EFCAB8: variants seen among roughly 807,000 people sequenced by gnomAD.
The protein encoded by EFCAB8 is EF-hand calcium binding domain 8.
Under a neutral mutation model 116.3 loss-of-function variants are expected in EFCAB8, and 100 were observed. That is an observed-to-expected ratio of 0.86 (90% confidence interval 0.73 to 1.02). The LOEUF (loss-of-function observed/expected upper bound fraction) is 1.02, where lower values mean the gene tolerates loss of function less well. EFCAB8 is among the 50% of genes least tolerant of loss of function. The pLI is 0.00. For missense variants in EFCAB8, 1,320 were observed against 1,416.9 expected, an observed-to-expected ratio of 0.93 and a Z score of 1.10; for synonymous variants, 558 against 567.9, an observed-to-expected ratio of 0.98 and a Z score of 0.25.
At chr20:32,959,257 G>A (rs1989067186) in intron 24 of EFCAB8, among the ~76,000 whole-genome samples, 1 of 152,338 alleles carries the variant, frequency 6.6e-6, no homozygotes, top group Admixed American at 6.5e-5. Flanking sequence ...ATTAGGAACA[G>A]GGATGGCTCA....
At chr20:32,916,754 A>G (rs1987208080) in intron 17 of EFCAB8, among the ~76,000 whole-genome samples, 1 of 152,144 alleles carries the variant, frequency 6.6e-6, no homozygotes, top group African/African-American at 2.4e-5. Context: ...TTCATTTATA[A>G]TTATAAAGTA....
At chr20:32,875,038 C>T (rs1277153096) in intron 3 of EFCAB8, among the ~76,000 whole-genome samples, 5 of 151,966 alleles carry the variant, frequency 3.3e-5, no homozygotes, top group African/African-American at 1.2e-4. Flanking sequence ...CGTGAGCCAC[C>T]GTGCCTGGCC....
At position 32,961,121 on chromosome 20, in the gene EFCAB8, C is replaced by G; in HGVS notation, c.3394-15C>G. 6.4e-7 allele frequency: 1 copy of G among 1,550,938 alleles called. No individual in the cohort carries two copies. The highest frequency in any genetic ancestry group is 8.7e-7 in the Non-Finnish European group (1 of 1,146,036). On this transcript the variant is annotated splice_polypyrimidine_tract_variant and intron_variant, in intron 26 of 26. Coordinates refer to ENST00000400522, the MANE Select transcript of EFCAB8 (RefSeq NM_001143967.2). ...ACTGGTGCCCCATTCCCGCTCCCCACTCTGTTCCCTGCAGATCTCGCCTCA... is the reference window on the plus strand; with the variant it reads ...ACTGGTGCCCCATTCCCGCTCCCCAGTCTGTTCCCTGCAGATCTCGCCTCA...
intron 22 of EFCAB8, among the ~76,000 whole-genome samples, 174 bp from the exon 23 acceptor site, chr20:32,943,462 G>A (rs1488551906): frequency 6.6e-6 from 1 of 152,132 alleles, no homozygotes; most frequent in Non-Finnish European, 1.5e-5. Context: ...GAGAAGTGCC[G>A]GGACCTATGT....
chr20:32,953,719 TATTA>T (rs990330721), intron 23 of EFCAB8, among the ~76,000 whole-genome samples: 1 of 152,250 alleles, frequency 6.6e-6, no homozygotes, highest in African/African-American at 2.4e-5. Context: ...ATATTATGGA[TATTA>T]ACCTCTTATC....
chr20:32,960,215 C>G, intron 26 of EFCAB8, 54 bp downstream of exon 26: 1 of 1,485,218 alleles, frequency 6.7e-7, no homozygotes, highest in South Asian at 1.2e-5. Flanking sequence ...CCAGGGGATC[C>G]CATGTCCACC....
intron 23 of EFCAB8, among the ~76,000 whole-genome samples, chr20:32,950,353 AC>A (rs1988761427): frequency 6.6e-6 from 1 of 152,234 alleles, no homozygotes; most frequent in Admixed American, 6.5e-5. Flanking sequence ...TACAATAAAA[AC>A]ATTAGAAAGA....
chr20:32,954,187 C>A (rs548195938), intron 23 of EFCAB8, among the ~76,000 whole-genome samples: 1 of 152,128 alleles, frequency 6.6e-6, no homozygotes, highest in Non-Finnish European at 1.5e-5. Flanking sequence ...AGTGTCATAT[C>A]CAAGAAATAA....
chr20:32,874,625 T>C (rs191251694), intron 3 of EFCAB8, among the ~76,000 whole-genome samples: 2 of 152,356 alleles, frequency 1.3e-5, no homozygotes, highest in Non-Finnish European at 2.9e-5. Flanking sequence ...CACTGCAACC[T>C]CTGCCTCCTG....
chr20:32,941,698 G>A (rs1988413515), intron 22 of EFCAB8, among the ~76,000 whole-genome samples: 1 of 152,142 alleles, frequency 6.6e-6, no homozygotes, highest in African/African-American at 2.4e-5. Context: ...TCCTGAGGCT[G>A]GGGGAGGGAG....
At chr20:32,895,672 AG>A (rs149089992) in intron 9 of EFCAB8, among the ~76,000 whole-genome samples, 13,244 of 150,998 alleles carry the variant, frequency 0.088, 764 homozygotes, top group Non-Finnish European at 0.13. Flanking sequence ...TTCGGGTTCA[AG>A]TGATTCTCCC....
At chr20:32,891,361 G>A (rs1275190839) in intron 7 of EFCAB8, among the ~76,000 whole-genome samples, 1 of 152,144 alleles carries the variant, frequency 6.6e-6, no homozygotes, top group Non-Finnish European at 1.5e-5. Flanking sequence ...GGGATTACAG[G>A]TGCGCGCTAC....
chr20:32,961,546 C>A lies in EFCAB8; in HGVS notation c.3804C>A (p.Pro1268=). Reference sequence around the variant, plus strand: ...ACATTGTCTCCTCCTTCGAGCGGCCCCCAAGGCCTCTGAAGGCCACCTTCA... The same window carrying A: ...ACATTGTCTCCTCCTTCGAGCGGCCACCAAGGCCTCTGAAGGCCACCTTCA... The part of the protein sequence containing the change: ...PKHIVSSFER[P]PRPLKATFMS... The change falls in exon 27 of 27, where the codon CCC becomes CCA. Residue 1268 remains proline, a synonymous_variant. Transcript: ENST00000400522. 7.1e-7 allele frequency: 1 copy of A among 1,407,144 alleles called. No homozygotes were observed. 87.2% of individuals were successfully genotyped at this position (1,407,144 alleles called of 1,614,324 possible). A position where few individuals can be genotyped will look rare whatever the true frequency, so the allele number is the denominator to read the frequency against.
At chr20:32,877,207 C>CTTTTTTTTTTTTTTT (rs757130907) in intron 4 of EFCAB8, among the ~76,000 whole-genome samples, 6 of 115,054 alleles carry the variant, frequency 5.2e-5, no homozygotes, top group Admixed American at 1.0e-4. Flanking sequence ...TTATTTCTTT[C>CTTTTTTTTTTTTTTT]TTTTTTTTTT....
chr20:32,956,723 A>G (rs1988974462), intron 23 of EFCAB8, among the ~76,000 whole-genome samples: 1 of 152,060 alleles, frequency 6.6e-6, no homozygotes, highest in African/African-American at 2.4e-5. Flanking sequence ...CAGTTTGACT[A>G]TGATGTGCGT....
At chr20:32,900,851 A>T (rs567449563) in intron 11 of EFCAB8, among the ~76,000 whole-genome samples, 1 of 152,130 alleles carries the variant, frequency 6.6e-6, no homozygotes, top group South Asian at 2.1e-4. Flanking sequence ...TACAGGCGTG[A>T]GCCACCATGC....
chr20:32,955,547 A>AAAAAT (rs1424928659), intron 23 of EFCAB8, among the ~76,000 whole-genome samples: 3 of 152,200 alleles, frequency 2.0e-5, no homozygotes, highest in South Asian at 2.1e-4. Context: ...CTCAAAAAAT[A>AAAAAT]AAAATAAAAT....
chr20:32,900,715 C>T (rs1001859594), intron 11 of EFCAB8, among the ~76,000 whole-genome samples: 1 of 152,074 alleles, frequency 6.6e-6, no homozygotes, highest in Non-Finnish European at 1.5e-5. Flanking sequence ...TACAGGTGTG[C>T]GCCACCATGC....
In EFCAB8 at chr20:32,959,630, G is replaced by A. The variant is rs1417607909; in HGVS notation, c.3090-148G>A. ...CAAATGTTAATTCCATACTTACTCA[G>A]TGATGGACTCTGGGGAGTCTGGCCT... On this transcript the variant is annotated intron_variant, in intron 24 of 26. Transcript: ENST00000400522. The A allele has an allele frequency of 9.4e-6, 6 of 638,394 alleles. No homozygotes were observed. The South Asian group carries it at 1.2e-4, about 13-fold the overall frequency. The allele number at this position is 638,394 out of a possible 1,614,324, so 39.5% of individuals were successfully genotyped here.
Sources: gnomAD v4.1 joint callset for allele counts (sites outside exome capture counted in the v4.1 genomes callset) on GRCh38, gnomAD v4.1.1 for gene constraint, MANE v1.5 for transcripts, NCBI Gene and HGNC (gene_info 2026-07-23, HGNC 2026-07-21) for gene names.